The following SYN3 variants were observed in gnomAD, a reference collection of about 807,000 sequenced individuals.
The protein encoded by SYN3 is synapsin-3.
A neutral mutation model predicts 65.8 loss-of-function variants in SYN3; 35 were observed. That is an observed-to-expected ratio of 0.53 (90% confidence interval 0.41 to 0.70). SYN3 has a LOEUF of 0.70. Ranked by LOEUF, SYN3 falls within the 30% of genes least tolerant of loss-of-function variation. The pLI is 0.00. For synonymous variants in SYN3, 270 were observed against 292.9 expected (o/e 0.92, Z 0.80); for missense variants, 680 against 749.0 (o/e 0.91, Z 1.08).
At chr22:32,784,406 A>T (rs1281508825) in intron 6 of SYN3, among the ~76,000 whole-genome samples, 1 of 152,202 alleles carries the variant, frequency 6.6e-6, no homozygotes, top group Non-Finnish European at 1.5e-5. Context: ...GGAGATAATC[A>T]CATGGCAAGA....
intron 7 of SYN3, among the ~76,000 whole-genome samples, chr22:32,566,380 A>G (rs1372271356): frequency 6.6e-6 from 1 of 152,126 alleles, no homozygotes; most frequent in Non-Finnish European, 1.5e-5. Context: ...GACAGTGAGA[A>G]AGAGAGAGGG....
chr22:32,838,394 G>C (rs908878850), intron 6 of SYN3, among the ~76,000 whole-genome samples: 8 of 152,200 alleles, frequency 5.3e-5, no homozygotes, highest in Non-Finnish European at 8.8e-5. Flanking sequence ...GGGGCAGCTG[G>C]AGGCCAGAGG....
chr22:32,987,431 A>G (rs934308181), intron 2 of SYN3, among the ~76,000 whole-genome samples: 2 of 152,166 alleles, frequency 1.3e-5, no homozygotes, highest in Admixed American at 6.6e-5. Flanking sequence ...TTCTAGCTCC[A>G]TTGTTTTCTC....
At chr22:32,896,766 T>A (rs1453036165) in intron 4 of SYN3, among the ~76,000 whole-genome samples, 1 of 152,236 alleles carries the variant, frequency 6.6e-6, no homozygotes, top group Non-Finnish European at 1.5e-5. Context: ...ATTTTGGCTG[T>A]CACCTTGTTC....
At chr22:32,918,536 TA>T (rs1288903134) in intron 4 of SYN3, among the ~76,000 whole-genome samples, 2 of 152,214 alleles carry the variant, frequency 1.3e-5, no homozygotes, top group African/African-American at 4.8e-5. Flanking sequence ...TATTTAATAT[TA>T]TATGTCTCTG....
In SYN3 at chr22:32,801,088, A is replaced by G. The variant is rs2234921; in HGVS notation, c.711+63827T>C. Among the ~76,000 whole-genome samples, 58,002 of 152,090 alleles carry G rather than the reference A, an allele frequency of 0.38. 12,542 individuals carry two copies. Among genetic ancestry groups the G allele is most frequent in the African/African-American group, 0.59 (24,608 of 41,470 alleles). ...AATACAGAACCCCGTTTGCTCTGGG[A>G]GAGCACAGAAAACAGTCTTCTATCA... On this transcript the variant is annotated intron_variant, in intron 6 of 13. Transcript: ENST00000358763. The surrounding 1 kb of genome is among the most constrained non-coding windows in gnomAD (Gnocchi z 4.7).
intron 6 of SYN3, among the ~76,000 whole-genome samples, chr22:32,722,098 G>A (rs1271913691): frequency 6.6e-6 from 1 of 152,042 alleles, no homozygotes; most frequent in African/African-American, 2.4e-5. Context: ...AATGCATCTC[G>A]AAGGGTCTGG....
At chr22:32,661,157 G>A (rs2060210747) in intron 6 of SYN3, among the ~76,000 whole-genome samples, 1 of 152,364 alleles carries the variant, frequency 6.6e-6, no homozygotes, top group South Asian at 2.1e-4. Flanking sequence ...AACAGAGGGA[G>A]AGAGAGGGGC....
chr22:32,569,265 A>ATCTATCTATCTG (rs1555898438), intron 7 of SYN3, among the ~76,000 whole-genome samples: 2,058 of 140,292 alleles, frequency 0.015, 58 homozygotes, highest in East Asian at 0.12. Flanking sequence ...AAATCTATCT[A>ATCTATCTATCTG]TCTATCTATC....
chr22:33,057,845 C>T lies in SYN3; in HGVS notation c.-163+447G>A, dbSNP rs73164310. 1,412 of 152,456 alleles carry T rather than the reference C, an allele frequency of 9.3e-3. 14 individuals are homozygous for T. Among genetic ancestry groups the T allele is most frequent in the South Asian group, 0.026 (124 of 4,820 alleles). 9.4% of individuals were successfully genotyped at this position (152,456 alleles called of 1,614,324 possible). A position where few individuals can be genotyped will look rare whatever the true frequency, so the allele number is the denominator to read the frequency against. ...ATCGGAAATGGCATGACAAACCTGA[C>T]CTCCCAAACCCAAGGCAACAGGTCA... is the stretch of plus-strand genomic sequence containing the variant. On this transcript the variant is annotated intron_variant, in intron 1 of 13. Coordinates refer to ENST00000358763, the MANE Select transcript of SYN3 (RefSeq NM_003490.4).
intron 4 of SYN3, among the ~76,000 whole-genome samples, chr22:32,901,015 T>A (rs2049744685): frequency 6.6e-6 from 1 of 152,076 alleles, no homozygotes; most frequent in Non-Finnish European, 1.5e-5. Flanking sequence ...GCTGAATGAG[T>A]GTTAGGATAT....
At chr22:32,922,529 T>A (rs1474514288) in intron 4 of SYN3, among the ~76,000 whole-genome samples, 2 of 152,090 alleles carry the variant, frequency 1.3e-5, no homozygotes, top group East Asian at 1.9e-4. Flanking sequence ...AAAAAGGGAT[T>A]TTTTTTGGCT....
chr22:33,023,971 A>G (rs776892284), intron 1 of SYN3, among the ~76,000 whole-genome samples: 3 of 152,198 alleles, frequency 2.0e-5, no homozygotes, highest in Non-Finnish European at 2.9e-5. Flanking sequence ...GTGATCATCT[A>G]GAACGCTGGC....
At chr22:32,916,477 A>C (rs1016550227) in intron 4 of SYN3, among the ~76,000 whole-genome samples, 3 of 152,234 alleles carry the variant, frequency 2.0e-5, no homozygotes, top group Admixed American at 6.5e-5. Context: ...AGGCAAGTTC[A>C]ATTTTTTTTC....
At chr22:32,710,210 T>C (rs2147242726) in intron 6 of SYN3, among the ~76,000 whole-genome samples, 1 of 151,306 alleles carries the variant, frequency 6.6e-6, no homozygotes, top group South Asian at 2.1e-4. Flanking sequence ...TCATGTGAAA[T>C]GTAATCCCCA....
At chr22:32,950,487 C>A (rs531398569) in intron 3 of SYN3, among the ~76,000 whole-genome samples, 45 of 152,286 alleles carry the variant, frequency 3.0e-4, no homozygotes, top group African/African-American at 1.1e-3. Context: ...AAGATACTAT[C>A]TTTAAGCATT....
chr22:32,930,604 A>C (rs770269307), intron 4 of SYN3, among the ~76,000 whole-genome samples: 18 of 152,060 alleles, frequency 1.2e-4, no homozygotes, highest in Non-Finnish European at 2.1e-4. Flanking sequence ...GAATGTCCAC[A>C]TTCTACCATT....
intron 7 of SYN3, among the ~76,000 whole-genome samples, chr22:32,555,772 T>G (rs2058486258): frequency 6.6e-6 from 1 of 152,184 alleles, no homozygotes; most frequent in African/African-American, 2.4e-5. Context: ...CTTGTTTTCC[T>G]GTTTTTATAA....
intron 7 of SYN3, among the ~76,000 whole-genome samples, chr22:32,574,433 C>G (rs1370629646): frequency 6.6e-6 from 1 of 152,106 alleles, no homozygotes; most frequent in African/African-American, 2.4e-5. Context: ...GAGCTATGAT[C>G]ACGTCACTGT....
Sources: allele counts gnomAD v4.1 joint callset (sites outside exome capture counted in the v4.1 genomes callset), GRCh38; gene constraint gnomAD v4.1.1; non-coding constraint Gnocchi (gnomAD v3.1); transcripts MANE v1.5; gene names NCBI Gene and HGNC (gene_info 2026-07-23, HGNC 2026-07-21).